DPP6: variants seen among roughly 807,000 people sequenced by gnomAD.
DPP6 encodes the protein dipeptidyl peptidase like 6.
DPP6 carries 69 observed loss-of-function variants against 122.6 expected under a neutral mutation model. The ratio of observed to expected loss-of-function variants is 0.56; its 90% CI spans 0.46 to 0.69. The LOEUF is 0.69. DPP6 is among the 30% of genes least tolerant of loss of function. DPP6 has a pLI of 0.00. For synonymous variants in DPP6, 418 were observed against 433.1 expected (o/e 0.97, Z 0.43); for missense variants, 928 against 1,116.9 (o/e 0.83, Z 2.41).
chr7:153,843,007 CACAT>C, the DPP6 span, among the ~76,000 whole-genome samples: 1 of 151,844 alleles, frequency 6.6e-6, no homozygotes, highest in East Asian at 1.9e-4. Flanking sequence ...CGCACATACA[CACAT>C]ACACACAAGC....
At chr7:154,512,722 T>C (rs974049793) in intron 3 of DPP6, among the ~76,000 whole-genome samples, 1 of 152,198 alleles carries the variant, frequency 6.6e-6, no homozygotes, top group Non-Finnish European at 1.5e-5. Context: ...ATCTTAGGGA[T>C]GGCAAGTTCT....
chr7:154,580,167 A>C (rs1309697010), intron 5 of DPP6, among the ~76,000 whole-genome samples: 1 of 147,720 alleles, frequency 6.8e-6, no homozygotes, highest in East Asian at 2.0e-4. Context: ...ACACACACAC[A>C]CACACACATG....
rs1270502590 is a variant in DPP6, at chr7:153,963,961, T to C, written c.51+76227T>C. ...ACACAGCATCAGGTCGTCTACTGCTTCCTGAACTTGTACTGACTTTCAGGT... is the reference window on the plus strand; with the variant it reads ...ACACAGCATCAGGTCGTCTACTGCTCCCTGAACTTGTACTGACTTTCAGGT... On this transcript the variant is annotated intron_variant, in intron 1 of 25. Coordinates refer to the DPP6 transcript ENST00000404039. Among the ~76,000 whole-genome samples the C allele has an allele frequency of 2.6e-5, 4 of 152,300 alleles. No homozygotes were observed. In the East Asian group the frequency reaches 7.7e-4, roughly 29 times the overall value.
Position 154,510,936 on chromosome 7 carries a change from GCACACACACACACACACACACACA to G in DPP6, c.458-29583_458-29560del. ...CTCTCTTACACATACACACACACAT[GCACACACACACACACACACACACA>G]CACACACACACAGAGAGAGAGAGAG... On this transcript the variant is annotated intron_variant, in intron 3 of 25. Transcript: ENST00000377770. Among the ~76,000 whole-genome samples, 4 of 145,210 alleles carry G rather than the reference GCACACACACACACACACACACACA, an allele frequency of 2.8e-5. No homozygotes were observed. In the South Asian group the frequency reaches 9.2e-4, roughly 33 times the overall value.
the DPP6 span, among the ~76,000 whole-genome samples, chr7:153,853,625 C>T: frequency 5.3e-5 from 8 of 151,970 alleles, no homozygotes; most frequent in South Asian, 2.1e-4. Context: ...GGAAGTACGC[C>T]GTGAGACAGT....
chr7:154,667,527 AG>A (rs1408211843), intron 6 of DPP6, among the ~76,000 whole-genome samples: 1 of 152,222 alleles, frequency 6.6e-6, no homozygotes, highest in Admixed American at 6.5e-5. Flanking sequence ...CAGGAGTTCC[AG>A]CCTGGCTAAC....
intron 10 of DPP6, among the ~76,000 whole-genome samples, chr7:154,775,798 G>T (rs1158813476): frequency 6.6e-6 from 1 of 152,104 alleles, no homozygotes; most frequent in Non-Finnish European, 1.5e-5. Context: ...AGATCCATTT[G>T]CTGACACTGT....
At chr7:154,849,820 T>C (rs545329853) in intron 16 of DPP6, among the ~76,000 whole-genome samples, 1 of 152,342 alleles carries the variant, frequency 6.6e-6, no homozygotes, top group South Asian at 2.1e-4. Flanking sequence ...TGGCCTTTAT[T>C]GTATTGAGGA....
chr7:154,843,135 G>A (rs11975962), intron 16 of DPP6, among the ~76,000 whole-genome samples: 24,789 of 152,102 alleles, frequency 0.16, 2,267 homozygotes, highest in African/African-American at 0.25. Flanking sequence ...ATTTAAAAGC[G>A]TATCCTAAAT....
At chr7:154,842,123 T>C (rs1801600319) in intron 16 of DPP6, among the ~76,000 whole-genome samples, 1 of 152,242 alleles carries the variant, frequency 6.6e-6, no homozygotes, top group Admixed American at 6.5e-5. Context: ...TAAAGAGATC[T>C]GGAGCCTGTT....
chr7:154,227,975 A>G (rs1242502083), intron 1 of DPP6, among the ~76,000 whole-genome samples: 1 of 152,252 alleles, frequency 6.6e-6, no homozygotes, highest in Admixed American at 6.5e-5. Flanking sequence ...TGAGAAATCA[A>G]TAATAATGAA....
At chr7:154,159,021 C>T (rs192405323) in intron 1 of DPP6, among the ~76,000 whole-genome samples, 101 of 152,270 alleles carry the variant, frequency 6.6e-4, no homozygotes, top group African/African-American at 2.4e-3. Flanking sequence ...GGTTCAGTTC[C>T]TCCAGAGAAT....
intron 12 of DPP6, among the ~76,000 whole-genome samples, chr7:154,800,113 G>A (rs1312178850): frequency 1.3e-5 from 2 of 152,226 alleles, no homozygotes; most frequent in African/African-American, 4.8e-5. Flanking sequence ...GCAAATAGAA[G>A]TGCATTTTAA....
intron 16 of DPP6, among the ~76,000 whole-genome samples, chr7:154,845,269 G>C (rs538590819): frequency 5.0e-4 from 76 of 152,290 alleles, no homozygotes; most frequent in African/African-American, 1.6e-3. Flanking sequence ...TGTGTGAGAT[G>C]GGGTTGGAAC....
rs559374029 is a variant in DPP6 at position 154,263,186 on chromosome 7, G to A, written c.244-183028G>A. ...TTTCTAGCAGTGATTGCCTATTACA[G>A]GAGAAAACAGATTGGAAGAACAAAG... On this transcript the variant is annotated intron_variant, in intron 1 of 25. Coordinates refer to ENST00000377770, the MANE Select transcript of DPP6 (RefSeq NM_130797.4). 1.4e-4 allele frequency among the ~76,000 whole-genome samples: 22 copies of A among 152,238 alleles called. 1 individual carries two copies. Among genetic ancestry groups the A allele is most frequent in the Admixed American group, 3.9e-4 (6 of 15,284 alleles).
Position 154,060,928 on chromosome 7 carries a change from C to T in DPP6, c.243+7865C>T, listed in dbSNP as rs562229848. Among the ~76,000 whole-genome samples, 5 of 147,740 alleles carry T rather than the reference C, an allele frequency of 3.4e-5. No homozygotes were observed. In the East Asian group the frequency reaches 7.8e-4, roughly 23 times the overall value. On this transcript the variant is annotated intron_variant, in intron 1 of 25. Coordinates refer to ENST00000377770, the MANE Select transcript of DPP6 (RefSeq NM_130797.4). ...GGACTGAGAGCCAGACCCTCTTCCC[C>T]CACTGGCATAGGACCCCCATCGTTG... is the stretch of plus-strand genomic sequence containing the variant.
In DPP6 at chr7:154,123,657, A is replaced by G. The variant is rs188734731; in HGVS notation, c.243+70594A>G. Among the ~76,000 whole-genome samples, 1,518 of 152,112 alleles carry G rather than the reference A, an allele frequency of 1.0e-2. 13 individuals are homozygous for G. The highest frequency in any genetic ancestry group is 0.015 in the Non-Finnish European group (1,022 of 68,010). On this transcript the variant is annotated intron_variant, in intron 1 of 25. Transcript: ENST00000377770. Reference sequence around the variant, plus strand: ...AGTAGGCTAGCACCAGGTGCAGGAGACAGATGTGCCGCCTGCTCACAGGGC... The same window carrying G: ...AGTAGGCTAGCACCAGGTGCAGGAGGCAGATGTGCCGCCTGCTCACAGGGC...
At chr7:154,206,334 A>G (rs1799443825) in intron 1 of DPP6, among the ~76,000 whole-genome samples, 1 of 152,202 alleles carries the variant, frequency 6.6e-6, no homozygotes, top group Admixed American at 6.5e-5. Context: ...TGGCATCTCT[A>G]AGCCTGTGCA....
At chr7:154,152,990 G>A (rs1323296454) in intron 1 of DPP6, among the ~76,000 whole-genome samples, 4 of 152,342 alleles carry the variant, frequency 2.6e-5, no homozygotes, top group South Asian at 2.1e-4. Flanking sequence ...AGTTTTCAGT[G>A]TACATAAAAA....
Sources: allele counts gnomAD v4.1 joint callset (sites outside exome capture counted in the v4.1 genomes callset), GRCh38; gene constraint gnomAD v4.1.1; transcripts MANE v1.5; gene names NCBI Gene and HGNC (gene_info 2026-07-23, HGNC 2026-07-21).